Variants in OR6B3 observed in about 807,000 individuals in gnomAD.
OR6B3 encodes the protein olfactory receptor family 6 subfamily B member 3.
For synonymous variants in OR6B3, 148 were observed against 187.8 expected (o/e 0.79, Z 1.73); for missense variants, 315 against 427.4 (o/e 0.74, Z 2.32).
chr2:240,046,769 G>A (rs1265432929), intron 1 of OR6B3, among the ~76,000 whole-genome samples, 183 bp downstream of exon 2: 2 of 152,194 alleles, frequency 1.3e-5, no homozygotes, highest in Non-Finnish European at 2.9e-5. Flanking sequence ...CAGAGAGGAG[G>A]AAGTCTAGAA....
chr2:240,045,704 G>A (rs563179786), exon 2 of OR6B3: 138 of 1,353,776 alleles, frequency 1.0e-4, no homozygotes, highest in Non-Finnish European at 1.2e-4. Context: ...AGATGGCCAC[G>A]TAGCGGTCGT....
Position 240,045,881 on chromosome 2 carries a change from G to C in OR6B3, c.192C>G (p.Ser64Arg), listed in dbSNP as rs189236309. Reference sequence around the variant, plus strand: ...ACCAGATCTCTAGGAAAGACATGGAGCTCAGAAAGTAGTACATGGGCCTGT... The same window carrying C: ...ACCAGATCTCTAGGAAAGACATGGACCTCAGAAAGTAGTACATGGGCCTGT... Residue 64 changes from serine (S) to arginine (R), a missense_variant, in exon 2 of 2, where the codon AGC becomes AGG. By Grantham distance (110) the Ser-to-Arg change is moderately radical. Coordinates refer to ENST00000641019, the Ensembl canonical transcript of OR6B3. 7.2e-5 allele frequency: 116 copies of C among 1,609,438 alleles called. 1 individual carries two copies. In the African/African-American group the frequency reaches 1.4e-3, roughly 19 times the overall value.
the OR6B3 span, among the ~76,000 whole-genome samples, chr2:240,053,399 A>G: frequency 6.6e-6 from 1 of 152,096 alleles, no homozygotes; most frequent in East Asian, 1.9e-4. The surrounding 1 kb of genome is among the most constrained non-coding windows in gnomAD (Gnocchi z 4.1). Flanking sequence ...TGCAAGATGC[A>G]CCCTGCTCGC....
intron 1 of OR6B3, among the ~76,000 whole-genome samples, chr2:240,046,703 A>G (rs1698194617): frequency 6.6e-6 from 1 of 152,142 alleles, no homozygotes; most frequent in Admixed American, 6.5e-5. Context: ...TCTGAGGGGA[A>G]TATCAGCAAG....
upstream of OR6B3, among the ~76,000 whole-genome samples, chr2:240,049,996 C>T (rs1308515420): frequency 6.6e-6 from 1 of 151,256 alleles, no homozygotes; most frequent in Non-Finnish European, 1.5e-5. Context: ...GATATAGATC[C>T]TATAAATCTT....
downstream of OR6B3, chr2:240,045,065 C>A: frequency 6.4e-7 from 1 of 1,553,310 alleles, no homozygotes; most frequent in South Asian, 1.3e-5. Flanking sequence ...TGCAAACAGT[C>A]AAATGGCCTC....
downstream of OR6B3, chr2:240,044,953 C>A (rs1698158733): frequency 7.2e-6 from 6 of 830,666 alleles, no homozygotes; most frequent in African/African-American, 1.7e-5. Flanking sequence ...TATTACAACA[C>A]CAACAACAAT....
At chr2:240,046,201 C>T (rs1381220915) in intron 1 of OR6B3, 104 bp from the exon 3 acceptor site, 39 of 734,694 alleles carry the variant, frequency 5.3e-5, no homozygotes, top group Non-Finnish European at 7.5e-5. Context: ...AGAGAGGCCA[C>T]GTGGCTCCCC....
chr2:240,044,796 G>A (rs1020783430), downstream of OR6B3, among the ~76,000 whole-genome samples: 4 of 152,174 alleles, frequency 2.6e-5, no homozygotes, highest in Admixed American at 1.3e-4. Context: ...TTAACACACC[G>A]CAATTTATTG....
exon 1 of OR6B3, chr2:240,047,016 A>AATG (rs1698201479): frequency 6.6e-6 from 1 of 152,256 alleles, no homozygotes; most frequent in South Asian, 2.1e-4. Context: ...CTGCCCTTCC[A>AATG]ATGCGGTTTC....
chr2:240,045,069 T>C (rs746436842), downstream of OR6B3: 26 of 1,556,292 alleles, frequency 1.7e-5, no homozygotes, highest in Non-Finnish European at 2.2e-5. Context: ...AACAGTCAAA[T>C]GGCCTCCTCA....
At chr2:240,046,064 C>T in exon 2 of OR6B3, 2 of 1,612,214 alleles carry the variant, frequency 1.2e-6, no homozygotes, top group Non-Finnish European at 1.7e-6. Context: ...TGACATTCTC[C>T]CCACTCATGC....
At chr2:240,049,372 T>C (rs989043071), upstream of OR6B3, among the ~76,000 whole-genome samples, 4 of 152,358 alleles carry the variant, frequency 2.6e-5, no homozygotes, top group African/African-American at 9.6e-5. Context: ...GAGAAACTTC[T>C]AGCGAGGGCT....
At chr2:240,050,829 T>G (rs973745500), upstream of OR6B3, among the ~76,000 whole-genome samples, 1 of 151,232 alleles carries the variant, frequency 6.6e-6, no homozygotes, top group African/African-American at 2.4e-5. Flanking sequence ...AAAAACAAAT[T>G]AGAATGCCAA....
chr2:240,045,156 C>T, exon 2 of OR6B3: 1 of 1,614,188 alleles, frequency 6.2e-7, no homozygotes, highest in Non-Finnish European at 8.5e-7. Flanking sequence ...GCTCGTCAAG[C>T]CGAAGGCTTT....
At chr2:240,046,059 T>A in exon 2 of OR6B3, 1 of 1,612,994 alleles carries the variant, frequency 6.2e-7, no homozygotes, top group Non-Finnish European at 8.5e-7. Context: ...CCTGGTGACA[T>A]TCTCCCCACT....
In OR6B3 at chr2:240,045,441, A is replaced by T. The variant is rs771727205; in HGVS notation, c.632T>A (p.Leu211His). 1.9e-5 allele frequency: 30 copies of T among 1,614,100 alleles called. No homozygotes were observed. In the Admixed American group the frequency reaches 2.7e-4, roughly 14 times the overall value. The change falls in exon 2 of 2, where the codon CTC (leucine) becomes CAC (histidine). Residue 211 changes from leucine to histidine, a missense_variant. Leu to His is a moderately conservative substitution (Grantham distance 99). Coordinates refer to ENST00000641019, the Ensembl canonical transcript of OR6B3. The stretch of plus-strand genomic sequence containing the variant: ...CGCATATGACAGCATGGTGGCCAGG[A>T]GTGGAAACACCAGGATGATGAAGGC...
At chr2:240,050,221 C>G (rs569329124), upstream of OR6B3, among the ~76,000 whole-genome samples, 3 of 152,038 alleles carry the variant, frequency 2.0e-5, no homozygotes, top group South Asian at 6.2e-4. Context: ...CCAAGATGCA[C>G]GACAAAAAAC....
At chr2:240,049,811 A>ATTGTTTTTCCAAT (rs1210071039), upstream of OR6B3, among the ~76,000 whole-genome samples, 1 of 152,212 alleles carries the variant, frequency 6.6e-6, no homozygotes, top group Non-Finnish European at 1.5e-5. Context: ...TGATTATCTA[A>ATTGTTTTTCCAAT]TTGTTTTTCC....
Sources: allele counts gnomAD v4.1 joint callset (sites outside exome capture counted in the v4.1 genomes callset), GRCh38; gene constraint gnomAD v4.1.1; non-coding constraint Gnocchi (gnomAD v3.1); transcripts MANE v1.5; gene names NCBI Gene and HGNC (gene_info 2026-07-23, HGNC 2026-07-21).